The following GRB10 variants were observed in gnomAD, a reference collection of about 807,000 sequenced individuals.
GRB10 encodes the protein growth factor receptor-bound protein 10.
Under a neutral mutation model 80.9 loss-of-function variants are expected in GRB10, and 20 were observed. The ratio of observed to expected loss-of-function variants is 0.25; its 90% CI spans 0.17 to 0.36. GRB10 has a LOEUF of 0.36. Among genes scored for constraint, GRB10 ranks in the 10% least tolerant of loss-of-function variants. GRB10 has a pLI of 1.00. For missense variants in GRB10, 548 were observed against 747.7 expected, an observed-to-expected ratio of 0.73 and a Z score of 3.12; for synonymous variants, 291 against 291.5, an observed-to-expected ratio of 1.00 and a Z score of 0.02.
At chr7:50,744,121 A>G (rs1019443769) in intron 3 of GRB10, among the ~76,000 whole-genome samples, 15 of 151,992 alleles carry the variant, frequency 9.9e-5, no homozygotes, top group African/African-American at 3.6e-4. Context: ...CCATGTGCAC[A>G]ATGAAGTCTA....
chr7:50,618,654 A>G (rs2051088321), intron 9 of GRB10, among the ~76,000 whole-genome samples: 1 of 152,248 alleles, frequency 6.6e-6, no homozygotes, highest in Non-Finnish European at 1.5e-5. Context: ...CGAGTGCCCC[A>G]GGAGCTAGGA....
chr7:50,783,464 ACC>A (rs1488004133), upstream of GRB10, among the ~76,000 whole-genome samples: 18 of 41,078 alleles, frequency 4.4e-4, no homozygotes, highest in Non-Finnish European at 3.1e-4. Flanking sequence ...CATCCCACCC[ACC>A]CACTCACATA....
At chr7:50,790,856 T>G (rs1000726383) in intron 1 of GRB10, among the ~76,000 whole-genome samples, 2 of 152,254 alleles carry the variant, frequency 1.3e-5, no homozygotes, top group Non-Finnish European at 2.9e-5. Flanking sequence ...GTTTGATTTC[T>G]ACACATAATA....
intron 7 of GRB10, among the ~76,000 whole-genome samples, chr7:50,634,961 G>C (rs1054077102): frequency 6.6e-6 from 1 of 152,216 alleles, no homozygotes; most frequent in African/African-American, 2.4e-5. Context: ...ACACCCCACT[G>C]ACAACAGTAG....
chr7:50,785,710 C>T (rs548591738), upstream of GRB10, among the ~76,000 whole-genome samples: 2 of 152,272 alleles, frequency 1.3e-5, no homozygotes, highest in Admixed American at 6.5e-5. Context: ...GGCTGGCACA[C>T]CCTCCTACAA....
rs2051168994 is a variant in GRB10 at position 50,619,042 on chromosome 7, T to C, written c.777+128A>G. 4.3e-6 allele frequency: 3 copies of C among 697,350 alleles called. No homozygotes were observed. The Admixed American group carries it at 6.1e-5, about 14-fold the overall frequency. 43.2% of individuals were successfully genotyped at this position (697,350 alleles called of 1,614,324 possible). ...AAGGACTGCTTCATTAAACTACAAC[T>C]CTGATTCTCAAACCCATATGCTACA... is the stretch of plus-strand genomic sequence containing the variant. On this transcript the variant is annotated intron_variant, in intron 9 of 18. Coordinates refer to ENST00000401949, the MANE Select transcript of GRB10 (RefSeq NM_001350814.2).
intron 7 of GRB10, among the ~76,000 whole-genome samples, chr7:50,653,631 CCA>C (rs908911674): frequency 6.6e-6 from 1 of 152,196 alleles, no homozygotes; most frequent in Non-Finnish European, 1.5e-5. Flanking sequence ...CTGAGTTCTC[CCA>C]CACTCCTCCC....
intron 7 of GRB10, among the ~76,000 whole-genome samples, chr7:50,636,056 C>A (rs1483305317): frequency 6.8e-6 from 1 of 147,716 alleles, no homozygotes; most frequent in Non-Finnish European, 1.5e-5. Context: ...CAGCTCACTG[C>A]AACCTCTGCC....
At chr7:50,600,918 T>C (rs891977627) in intron 17 of GRB10, among the ~76,000 whole-genome samples, 8 of 152,166 alleles carry the variant, frequency 5.3e-5, no homozygotes, top group East Asian at 1.9e-4. Context: ...ATGGCAAAGA[T>C]ACATGGCAAA....
At chr7:50,792,382 A>G (rs1327569494) in intron 1 of GRB10, 1 of 397,932 alleles carries the variant, frequency 2.5e-6, no homozygotes, top group African/African-American at 2.1e-5. Context: ...GCAAACCATA[A>G]AAAGTTCGCG....
chr7:50,685,480 G>A (rs1346429637), intron 5 of GRB10, among the ~76,000 whole-genome samples: 1 of 152,106 alleles, frequency 6.6e-6, no homozygotes, highest in Non-Finnish European at 1.5e-5. Context: ...GGGTACTGGA[G>A]CCCGAAGGAG....
chr7:50,613,187 C>T (rs888518842), intron 12 of GRB10, among the ~76,000 whole-genome samples: 30 of 152,160 alleles, frequency 2.0e-4, no homozygotes, highest in Admixed American at 1.9e-3. Context: ...CTAACTCTGT[C>T]GACGGACTGG....
chr7:50,600,977 T>A (rs761415943), intron 17 of GRB10, among the ~76,000 whole-genome samples: 2 of 152,194 alleles, frequency 1.3e-5, no homozygotes, highest in Non-Finnish European at 2.9e-5. Flanking sequence ...CCTGGAAACA[T>A]GGTGAACATC....
At chr7:50,760,576 A>G (rs56272038) in intron 2 of GRB10, among the ~76,000 whole-genome samples, 7,174 of 152,324 alleles carry the variant, frequency 0.047, 575 homozygotes, top group African/African-American at 0.16. Flanking sequence ...AAGATGGTCA[A>G]TCATAGAGCA....
intron 13 of GRB10, chr7:50,607,217 A>G (rs2048700058): frequency 6.6e-6 from 1 of 152,330 alleles, no homozygotes; most frequent in Non-Finnish European, 1.5e-5. Context: ...GACTATAGTT[A>G]ATTTTATGCA....
intron 7 of GRB10, among the ~76,000 whole-genome samples, chr7:50,650,710 C>T (rs1181559270): frequency 6.6e-6 from 1 of 152,184 alleles, no homozygotes; most frequent in African/African-American, 2.4e-5. Flanking sequence ...CAGCAGGTGG[C>T]TCTCATTGAG....
intron 2 of GRB10, among the ~76,000 whole-genome samples, chr7:50,771,345 G>A (rs2076957232): frequency 6.6e-6 from 1 of 152,168 alleles, no homozygotes; most frequent in East Asian, 1.9e-4. Flanking sequence ...CCTTTGAAAA[G>A]TGGCTCAACT....
chr7:50,721,114 C>G (rs566210115), intron 4 of GRB10, among the ~76,000 whole-genome samples: 141 of 152,366 alleles, frequency 9.3e-4, no homozygotes, highest in Middle Eastern at 3.4e-3. Flanking sequence ...TACCCAAACA[C>G]GAAACTATTT....
intron 2 of GRB10, among the ~76,000 whole-genome samples, chr7:50,765,040 C>T (rs2076188674): frequency 6.6e-6 from 1 of 152,162 alleles, no homozygotes; most frequent in Non-Finnish European, 1.5e-5. Flanking sequence ...TAAAAGAAGA[C>T]ATACAAAGAG....
Sources: gnomAD v4.1 joint callset for allele counts (sites outside exome capture counted in the v4.1 genomes callset) on GRCh38, gnomAD v4.1.1 for gene constraint, MANE v1.5 for transcripts, NCBI Gene and HGNC (gene_info 2026-07-23, HGNC 2026-07-21) for gene names.